ADGRB3: variants seen among roughly 807,000 people sequenced by gnomAD.
ADGRB3 encodes the protein brain-specific angiogenesis inhibitor 3.
ADGRB3 carries 37 observed loss-of-function variants against 193.4 expected under a neutral mutation model. That is an observed-to-expected ratio of 0.19 (90% CI 0.15 to 0.25). The LOEUF is 0.25. Ranked by LOEUF, ADGRB3 falls within the 10% of genes least tolerant of loss-of-function variation. ADGRB3 has a pLI of 1.00. For missense variants in ADGRB3, 1,637 were observed against 1,852.9 expected, an observed-to-expected ratio of 0.88 and a Z score of 2.14; for synonymous variants, 690 against 644.2, an observed-to-expected ratio of 1.07 and a Z score of -1.08.
intron 4 of ADGRB3, 96 bp downstream of exon 4, chr6:68,930,765 G>A (rs1472360721): frequency 1.0e-6 from 1 of 986,684 alleles, no homozygotes; most frequent in Non-Finnish European, 1.5e-6. Context: ...GTCAGTTTTT[G>A]GAGCTGATAT....
intron 30 of ADGRB3, among the ~76,000 whole-genome samples, chr6:69,375,045 C>T (rs1218597698): frequency 6.6e-6 from 1 of 152,038 alleles, no homozygotes; most frequent in East Asian, 1.9e-4. Context: ...TCTTAAGAAA[C>T]AACAGGTAAG....
intron 17 of ADGRB3, among the ~76,000 whole-genome samples, chr6:69,210,982 C>A (rs1451679393): frequency 2.6e-5 from 4 of 151,882 alleles, no homozygotes; most frequent in Non-Finnish European, 4.4e-5. Context: ...ATTAACCAGG[C>A]GTGGTGGCAG....
At chr6:68,762,547 A>C (rs1039126867) in intron 3 of ADGRB3, among the ~76,000 whole-genome samples, 2 of 151,066 alleles carry the variant, frequency 1.3e-5, no homozygotes, top group African/African-American at 4.8e-5. Context: ...TGAAACAAAG[A>C]ATTGTTGAAT....
intron 17 of ADGRB3, among the ~76,000 whole-genome samples, chr6:69,154,503 C>G (rs979244412): frequency 6.6e-6 from 1 of 152,222 alleles, no homozygotes; most frequent in Non-Finnish European, 1.5e-5. Flanking sequence ...ACACACCACA[C>G]TGATTTGCAC....
At chr6:69,083,033 G>C (rs1439668333) in intron 17 of ADGRB3, among the ~76,000 whole-genome samples, 1 of 152,128 alleles carries the variant, frequency 6.6e-6, no homozygotes, top group East Asian at 1.9e-4. Context: ...ATCCTAGCTG[G>C]ATCGTTGTCA....
chr6:68,655,800 T>C (rs910131211), intron 3 of ADGRB3, among the ~76,000 whole-genome samples: 1 of 151,664 alleles, frequency 6.6e-6, no homozygotes, highest in African/African-American at 2.4e-5. Flanking sequence ...GATGGTTTCC[T>C]GAAGACCAGG....
At chr6:69,318,248 A>G (rs1487125296) in intron 20 of ADGRB3, among the ~76,000 whole-genome samples, 1 of 151,432 alleles carries the variant, frequency 6.6e-6, no homozygotes. Context: ...AAGAATGTTC[A>G]CTTCAATATA....
chr6:69,031,038 T>TTTTCTTTTTTTTTTC (rs1562128816), intron 13 of ADGRB3, among the ~76,000 whole-genome samples: 1,089 of 5,558 alleles, frequency 0.2, 258 homozygotes, highest in Middle Eastern at 0.5. Flanking sequence ...TCTTCTCTTC[T>TTTTCTTTTTTTTTTC]CTCTTCTCTT....
At chr6:68,818,610 G>T (rs548926593) in intron 3 of ADGRB3, among the ~76,000 whole-genome samples, 1 of 152,112 alleles carries the variant, frequency 6.6e-6, no homozygotes, top group East Asian at 1.9e-4. Flanking sequence ...ATATAATCTT[G>T]TGCCCTCAAA....
At chr6:69,084,022 A>G (rs550717737) in intron 17 of ADGRB3, among the ~76,000 whole-genome samples, 29 of 151,780 alleles carry the variant, frequency 1.9e-4, no homozygotes, top group African/African-American at 7.0e-4. Flanking sequence ...TGATTCACCC[A>G]CCTCGGCCTC....
chr6:68,745,684 C>T, intron 3 of ADGRB3, among the ~76,000 whole-genome samples: 1 of 150,808 alleles, frequency 6.6e-6, no homozygotes, highest in Middle Eastern at 3.4e-3. Flanking sequence ...AATGTATTTT[C>T]TTATTTATAT....
At chr6:69,294,179 A>T (rs962627211) in intron 20 of ADGRB3, among the ~76,000 whole-genome samples, 1 of 149,978 alleles carries the variant, frequency 6.7e-6, no homozygotes, top group Non-Finnish European at 1.5e-5. Context: ...AGCTTGTTTA[A>T]TTTTTTTTTT....
intron 17 of ADGRB3, among the ~76,000 whole-genome samples, chr6:69,147,927 A>G (rs1289076468): frequency 1.3e-5 from 2 of 152,038 alleles, no homozygotes; most frequent in Admixed American, 1.3e-4. Context: ...TTGTCTTGAA[A>G]TCTATTTTGT....
In ADGRB3 at chr6:68,817,868, G is replaced by T. The variant is rs138321794; in HGVS notation, c.758-112691G>T. ...ATGATCTCTTTTCACCATTTTTCTT[G>T]CCAGCTTCTTGCTCATTTCTGTAAA... On this transcript the variant is annotated intron_variant, in intron 3 of 31. Transcript: ENST00000370598. Among the ~76,000 whole-genome samples, 322 of 152,116 alleles carry T rather than the reference G, an allele frequency of 2.1e-3. 1 individual carries two copies. Among genetic ancestry groups the T allele is most frequent in the African/African-American group, 7.3e-3 (305 of 41,508 alleles).
At position 69,214,947 on chromosome 6, in the gene ADGRB3, AC is replaced by A. The variant is rs1329435520; in HGVS notation, c.2481-18342del. Among the ~76,000 whole-genome samples the A allele has an allele frequency of 3.3e-5, 5 of 152,246 alleles. No individual in the cohort carries two copies. The East Asian group carries it at 9.7e-4, about 29-fold the overall frequency. On this transcript the variant is annotated intron_variant, in intron 17 of 31. Coordinates refer to ENST00000370598, the MANE Select transcript of ADGRB3 (RefSeq NM_001704.3). ...GGAACAAGACCTACGCATAGCATAT[AC>A]TTCCTGATACGATATTCCAAGAAAG...
intron 3 of ADGRB3, among the ~76,000 whole-genome samples, chr6:68,731,554 T>A (rs1222363103): frequency 6.6e-6 from 1 of 151,626 alleles, no homozygotes. Flanking sequence ...ATACTTCAAA[T>A]AAATATGTTT....
At chr6:69,021,093 T>C (rs1369626522) in intron 13 of ADGRB3, among the ~76,000 whole-genome samples, 1 of 151,892 alleles carries the variant, frequency 6.6e-6, no homozygotes, top group African/African-American at 2.4e-5. Flanking sequence ...AACAGTCTGC[T>C]CATTATATTG....
chr6:68,712,952 G>A (rs1437446150), intron 3 of ADGRB3, among the ~76,000 whole-genome samples: 1 of 151,562 alleles, frequency 6.6e-6, no homozygotes, highest in Non-Finnish European at 1.5e-5. Flanking sequence ...ATAGATTTTG[G>A]TCAATTTAGT....
intron 3 of ADGRB3, among the ~76,000 whole-genome samples, chr6:68,925,692 C>A: frequency 6.6e-6 from 1 of 151,810 alleles, no homozygotes; most frequent in South Asian, 2.1e-4. Flanking sequence ...GAGGGCATTC[C>A]AGTATTTAGG....
Sources: allele counts gnomAD v4.1 joint callset (sites outside exome capture counted in the v4.1 genomes callset), GRCh38; gene constraint gnomAD v4.1.1; transcripts MANE v1.5; gene names NCBI Gene and HGNC (gene_info 2026-07-23, HGNC 2026-07-21).